IL1RAPL2: variants seen among roughly 807,000 people sequenced by gnomAD.
IL1RAPL2 encodes the protein interleukin 1 receptor accessory protein like 2, also known as X-linked interleukin-1 receptor accessory protein-like 2.
Under a neutral mutation model 44.1 loss-of-function variants are expected in IL1RAPL2, and 3 were observed. That is an observed-to-expected ratio of 0.07 (90% CI 0.03 to 0.18). The LOEUF is 0.18. Among genes scored for constraint, IL1RAPL2 ranks in the 10% least tolerant of loss-of-function variants. The probability of loss-of-function intolerance (pLI) is 1.00; values close to 1 mark genes in which losing one functional copy is unlikely to be tolerated. For synonymous variants in IL1RAPL2, 181 were observed against 178.8 expected (o/e 1.01, Z -0.10); for missense variants, 391 against 496.4 (o/e 0.79, Z 2.02).
intron 2 of IL1RAPL2, among the ~76,000 whole-genome samples, chrX:105,045,726 T>A (rs2031829012): frequency 9.1e-6 from 1 of 110,419 alleles, no homozygotes; most frequent in Admixed American, 9.7e-5. Context: ...TTTTTAAAAT[T>A]TTTATTTTAT....
At chrX:105,149,835 AAAATAAAT>A (rs765874056) in intron 2 of IL1RAPL2, among the ~76,000 whole-genome samples, 4 of 109,498 alleles carry the variant, frequency 3.7e-5, no homozygotes, top group Admixed American at 2.0e-4. Context: ...CTCCATCTCA[AAAATAAAT>A]AAATAAATAA....
intron 2 of IL1RAPL2, among the ~76,000 whole-genome samples, chrX:105,057,565 T>C (rs1239474029): frequency 9.0e-6 from 1 of 111,017 alleles, no homozygotes; most frequent in Non-Finnish European, 1.9e-5. Flanking sequence ...TTATTTCCTA[T>C]GCCAAACAAT....
chrX:105,299,656 A>G (rs1263618531), intron 5 of IL1RAPL2, among the ~76,000 whole-genome samples: 1 of 111,812 alleles, frequency 8.9e-6, no homozygotes, highest in Non-Finnish European at 1.9e-5. Flanking sequence ...ATGGGGATAC[A>G]AATCAATTTT....
chrX:105,199,038 T>G (rs1434046911), intron 3 of IL1RAPL2, among the ~76,000 whole-genome samples: 1 of 111,763 alleles, frequency 8.9e-6, no homozygotes, highest in Non-Finnish European at 1.9e-5. Flanking sequence ...AAGAAAGTTG[T>G]TATTCACAGT....
intron 5 of IL1RAPL2, among the ~76,000 whole-genome samples, chrX:105,279,406 G>C (rs1429028383): frequency 8.9e-6 from 1 of 111,753 alleles, no homozygotes; most frequent in African/African-American, 3.3e-5. Context: ...ACTAGTAAAT[G>C]CTTATAAAAT....
At chrX:105,449,392 G>A (rs1173218963) in intron 5 of IL1RAPL2, among the ~76,000 whole-genome samples, 2 of 110,701 alleles carry the variant, frequency 1.8e-5, no homozygotes, top group African/African-American at 6.6e-5. Flanking sequence ...AGACCATCCT[G>A]GCTAACACGG....
At chrX:105,445,045 T>G (rs2035945217) in intron 5 of IL1RAPL2, among the ~76,000 whole-genome samples, 1 of 111,897 alleles carries the variant, frequency 8.9e-6, no homozygotes, top group Admixed American at 9.5e-5. Flanking sequence ...TCTGGGAGAC[T>G]TTCTATTATG....
At chrX:104,577,030 C>A (rs1928255846) in intron 1 of IL1RAPL2, among the ~76,000 whole-genome samples, 1 of 112,263 alleles carries the variant, frequency 8.9e-6, no homozygotes, top group South Asian at 3.7e-4. Flanking sequence ...TTTTTCCATT[C>A]AGGCAGTTGT....
At chrX:105,715,487 A>C (rs182198241) in intron 6 of IL1RAPL2, among the ~76,000 whole-genome samples, 1 of 111,838 alleles carries the variant, frequency 8.9e-6, no homozygotes, top group East Asian at 2.8e-4. Context: ...ACTACAGAGA[A>C]ATGCTGGTCA....
At position 105,539,903 on chromosome X, in the gene IL1RAPL2, C is replaced by G. The variant is rs375397371; in HGVS notation, c.772+55516C>G. ...TCTCAAAAGAAGACACACAAGCAGT[C>G]AACAAACATGAAAACATGCTCAGCA... is the stretch of plus-strand genomic sequence containing the variant. On this transcript the variant is annotated intron_variant, in intron 6 of 10. Transcript: ENST00000372582. Among the ~76,000 whole-genome samples, 12 of 111,305 alleles carry G rather than the reference C, an allele frequency of 1.1e-4. No homozygotes were observed. In the East Asian group the frequency reaches 1.7e-3, roughly 16 times the overall value.
intron 6 of IL1RAPL2, among the ~76,000 whole-genome samples, chrX:105,714,354 C>G (rs1035075119): frequency 2.7e-5 from 3 of 111,685 alleles, no homozygotes; most frequent in Non-Finnish European, 3.8e-5. Flanking sequence ...ATTCGTTCAG[C>G]CTCTGCTCAT....
chrX:104,636,084 C>G (rs988309146), intron 1 of IL1RAPL2, among the ~76,000 whole-genome samples: 10 of 112,193 alleles, frequency 8.9e-5, no homozygotes, highest in Non-Finnish European at 1.9e-5. Context: ...AGCTGCAAGT[C>G]TGTTGGAATT....
At chrX:105,022,241 T>C (rs1402746665) in intron 2 of IL1RAPL2, among the ~76,000 whole-genome samples, 1 of 111,233 alleles carries the variant, frequency 9.0e-6, no homozygotes, top group African/African-American at 3.3e-5. Flanking sequence ...ACTGAAACTC[T>C]TGTAAAGCTA....
At chrX:105,405,239 G>T (rs1192909216) in intron 5 of IL1RAPL2, among the ~76,000 whole-genome samples, 1 of 111,412 alleles carries the variant, frequency 9.0e-6, no homozygotes, top group Non-Finnish European at 1.9e-5. Context: ...TACAGAACTT[G>T]ATATAAATAC....
chrX:104,980,832 GT>G (rs1054308663), intron 2 of IL1RAPL2, among the ~76,000 whole-genome samples: 8 of 109,934 alleles, frequency 7.3e-5, no homozygotes, highest in African/African-American at 2.6e-4. Flanking sequence ...TTTTAGAATA[GT>G]TTTTTTTTCT....
intron 6 of IL1RAPL2, among the ~76,000 whole-genome samples, chrX:105,661,905 T>A (rs1036383245): frequency 8.9e-6 from 1 of 112,714 alleles, no homozygotes; most frequent in Admixed American, 9.4e-5. Context: ...GATACGGACT[T>A]ACTTTCAAAG....
chrX:104,767,324 A>G, intron 2 of IL1RAPL2, among the ~76,000 whole-genome samples: 1 of 111,951 alleles, frequency 8.9e-6, no homozygotes, highest in Admixed American at 9.5e-5. Context: ...AATGACTTTG[A>G]CTAAAAGGGA....
At chrX:104,945,768 A>G (rs1925328631) in intron 2 of IL1RAPL2, among the ~76,000 whole-genome samples, 1 of 112,061 alleles carries the variant, frequency 8.9e-6, no homozygotes, top group Admixed American at 9.4e-5. Flanking sequence ...TTACTGTCCT[A>G]TTGCAATAAG....
At chrX:105,339,236 G>T (rs2035052315) in intron 5 of IL1RAPL2, among the ~76,000 whole-genome samples, 1 of 112,193 alleles carries the variant, frequency 8.9e-6, no homozygotes, top group East Asian at 2.8e-4. Context: ...TGTTGTTTTT[G>T]ATGGTTTCTC....
Sources: allele counts gnomAD v4.1 joint callset (sites outside exome capture counted in the v4.1 genomes callset), GRCh38; gene constraint gnomAD v4.1.1; transcripts MANE v1.5; gene names NCBI Gene and HGNC (gene_info 2026-07-23, HGNC 2026-07-21).